RBFOX1: variants seen among roughly 807,000 people sequenced by gnomAD.
RBFOX1 encodes RNA binding protein fox-1 homolog 1.
Under a neutral mutation model 57.7 loss-of-function variants are expected in RBFOX1, and 8 were observed. The ratio of observed to expected loss-of-function variants is 0.14; its 90% CI spans 0.08 to 0.25. The LOEUF (loss-of-function observed/expected upper bound fraction) is 0.25, where lower values mean the gene tolerates loss of function less well. RBFOX1 is among the 10% of genes least tolerant of loss of function. The pLI, the probability that RBFOX1 is intolerant of heterozygous loss-of-function variation, is 1.00. For synonymous variants in RBFOX1, 326 were observed against 222.4 expected (o/e 1.47, Z -4.15); for missense variants, 611 against 548.5 (o/e 1.11, Z -1.14).
At chr16:6,102,519 A>G (rs758677960) in intron 1 of RBFOX1, among the ~76,000 whole-genome samples, 1 of 152,062 alleles carries the variant, frequency 6.6e-6, no homozygotes, top group Non-Finnish European at 1.5e-5. Flanking sequence ...CCTTTCAGGC[A>G]GGTTGATCTG....
At chr16:6,539,377 G>A (rs1334144161) in intron 2 of RBFOX1, among the ~76,000 whole-genome samples, 1 of 152,134 alleles carries the variant, frequency 6.6e-6, no homozygotes, top group African/African-American at 2.4e-5. Context: ...ATTTAGCGTA[G>A]CATCTGGCAC....
chr16:7,500,807 C>T (rs888616789), intron 4 of RBFOX1, among the ~76,000 whole-genome samples: 8 of 152,190 alleles, frequency 5.3e-5, no homozygotes. Flanking sequence ...CCACTCAAAT[C>T]TCATCTTGAA....
intron 6 of RBFOX1, among the ~76,000 whole-genome samples, chr16:7,582,536 G>A (rs986666484): frequency 3.3e-5 from 5 of 152,090 alleles, no homozygotes; most frequent in African/African-American, 1.2e-4. Flanking sequence ...TCTTGTTATA[G>A]GATACATTTA....
chr16:6,608,867 G>A (rs2097990994), intron 2 of RBFOX1, among the ~76,000 whole-genome samples: 1 of 152,220 alleles, frequency 6.6e-6, no homozygotes, highest in African/African-American at 2.4e-5. Context: ...TGCCAGCAGG[G>A]CTGTTTTTTT....
At chr16:6,538,562 G>T (rs1431554749) in intron 2 of RBFOX1, among the ~76,000 whole-genome samples, 1 of 152,166 alleles carries the variant, frequency 6.6e-6, no homozygotes. Context: ...AGGATGACAA[G>T]TAATAATAAT....
chr16:7,478,767 G>C lies in RBFOX1; in HGVS notation c.28-39380G>C, dbSNP rs142878210. Among the ~76,000 whole-genome samples the C allele has an allele frequency of 4.6e-5, 7 of 152,276 alleles. No individual in the cohort carries two copies. The East Asian group carries it at 1.4e-3, about 29-fold the overall frequency. ...CCAAAACTGACTCCGCTTATTGCTG[G>C]ATTTGTATGCTACTTGCTAAATAAA... On this transcript the variant is annotated intron_variant, in intron 4 of 15. Coordinates refer to ENST00000550418, the MANE Select transcript of RBFOX1 (RefSeq NM_018723.4).
intron 3 of RBFOX1, among the ~76,000 whole-genome samples, chr16:6,764,051 C>G (rs768634185): frequency 6.6e-6 from 1 of 152,118 alleles, no homozygotes; most frequent in Non-Finnish European, 1.5e-5. Flanking sequence ...ATAAACTGTA[C>G]TTGGGTGACC....
chr16:6,802,584 G>A (rs1223707273), intron 3 of RBFOX1, among the ~76,000 whole-genome samples: 1 of 152,214 alleles, frequency 6.6e-6, no homozygotes, highest in African/African-American at 2.4e-5. Flanking sequence ...GGGTGAGGCA[G>A]GAGAATCGCT....
At chr16:5,509,328 G>A (rs143222296) in intron 2 of RBFOX1, among the ~76,000 whole-genome samples, 1,802 of 152,270 alleles carry the variant, frequency 0.012, 15 homozygotes, top group Middle Eastern at 0.031. Flanking sequence ...ACAGCTGGCC[G>A]GAACCATGGT....
chr16:7,457,912 T>C (rs2058837039), intron 4 of RBFOX1, among the ~76,000 whole-genome samples: 1 of 152,128 alleles, frequency 6.6e-6, no homozygotes, highest in African/African-American at 2.4e-5. Context: ...ACGTATATTC[T>C]CAGTCCCTCC....
At chr16:5,730,200 C>A (rs2052313356) in intron 3 of RBFOX1, among the ~76,000 whole-genome samples, 1 of 152,212 alleles carries the variant, frequency 6.6e-6, no homozygotes, top group African/African-American at 2.4e-5. Flanking sequence ...CAGCCTACCA[C>A]AATTAGGGGA....
At chr16:5,770,490 G>T (rs955941247) in intron 3 of RBFOX1, among the ~76,000 whole-genome samples, 1 of 152,124 alleles carries the variant, frequency 6.6e-6, no homozygotes, top group Non-Finnish European at 1.5e-5. Context: ...CCCACCCCTT[G>T]TTTAGCATAT....
intron 2 of RBFOX1, among the ~76,000 whole-genome samples, chr16:6,544,121 G>T (rs946733173): frequency 6.6e-6 from 1 of 152,142 alleles, no homozygotes; most frequent in African/African-American, 2.4e-5. Flanking sequence ...ATCTGTCTTT[G>T]CATCCCCAGC....
At chr16:7,684,933 C>T (rs1462828496) in intron 14 of RBFOX1, among the ~76,000 whole-genome samples, 1 of 151,962 alleles carries the variant, frequency 6.6e-6, no homozygotes, top group African/African-American at 2.4e-5. Context: ...AGAAAATGAA[C>T]AAATGGGGGA....
intron 1 of RBFOX1, among the ~76,000 whole-genome samples, chr16:5,367,225 A>G (rs1487024355): frequency 6.6e-6 from 1 of 152,224 alleles, no homozygotes; most frequent in African/African-American, 2.4e-5. Context: ...GGGCATTACA[A>G]GCCTAAAGGA....
chr16:6,316,128 G>A (rs12929987), intron 1 of RBFOX1, among the ~76,000 whole-genome samples: 48,242 of 151,910 alleles, frequency 0.32, 8,145 homozygotes, highest in Middle Eastern at 0.41. Context: ...AAGTAGTCCC[G>A]TCTCTGCTAC....
At chr16:6,811,351 T>C (rs1452915477) in intron 3 of RBFOX1, among the ~76,000 whole-genome samples, 2 of 152,206 alleles carry the variant, frequency 1.3e-5, no homozygotes, top group Non-Finnish European at 2.9e-5. Context: ...AAAAATATTA[T>C]GGGGTAGGAT....
At chr16:7,166,972 CTTTTTTTTTTTTTTTTTTT>C (rs537293692) in intron 4 of RBFOX1, among the ~76,000 whole-genome samples, 5 of 49,114 alleles carry the variant, frequency 1.0e-4, no homozygotes, top group African/African-American at 4.0e-4. Flanking sequence ...CATTGGTGTT[CTTTTTTTTTTTTTTTTTTT>C]TTTTTTTTTT....
intron 3 of RBFOX1, among the ~76,000 whole-genome samples, chr16:6,839,928 T>C (rs2141396912): frequency 6.6e-6 from 1 of 152,334 alleles, no homozygotes; most frequent in East Asian, 1.9e-4. Flanking sequence ...ATTATGTATA[T>C]TTGCTTTAAC....
Sources: gnomAD v4.1 joint callset for allele counts (sites outside exome capture counted in the v4.1 genomes callset) on GRCh38, gnomAD v4.1.1 for gene constraint, MANE v1.5 for transcripts, NCBI Gene and HGNC (gene_info 2026-07-23, HGNC 2026-07-21) for gene names.